The following EZR variants were observed in gnomAD, a reference collection of about 807,000 sequenced individuals.
The protein encoded by EZR is ezrin.
Under a neutral mutation model 74.8 loss-of-function variants are expected in EZR, and 40 were observed. That is an observed-to-expected ratio of 0.53 (90% CI 0.42 to 0.70). EZR has a LOEUF of 0.70. Among genes scored for constraint, EZR ranks in the 30% least tolerant of loss-of-function variants. The probability of loss-of-function intolerance (pLI) is 0.00; values close to 1 mark genes in which losing one functional copy is unlikely to be tolerated. For synonymous variants in EZR, 341 were observed against 283.3 expected (o/e 1.20, Z -2.05); for missense variants, 678 against 755.8 (o/e 0.90, Z 1.21).
At chr6:158,813,020 G>A in intron 2 of EZR, among the ~76,000 whole-genome samples, 1 of 152,136 alleles carries the variant, frequency 6.6e-6, no homozygotes, top group Non-Finnish European at 1.5e-5. Flanking sequence ...TCCTATTACA[G>A]ATCACAGTCA....
intron 12 of EZR, among the ~76,000 whole-genome samples, chr6:158,768,717 G>A (rs1790998292): frequency 6.6e-6 from 1 of 152,180 alleles, no homozygotes; most frequent in South Asian, 2.1e-4. Flanking sequence ...CTAAACCTCT[G>A]TGCTAGGTCC....
intron 3 of EZR, 61 bp downstream of exon 3, chr6:158,789,227 G>T: frequency 7.8e-7 from 1 of 1,288,612 alleles, no homozygotes; most frequent in Non-Finnish European, 1.1e-6. Flanking sequence ...CAAAATAACT[G>T]AAATGTTGCA....
At chr6:158,796,546 TCATCTTGCCTGG>T (rs1170175450) in intron 2 of EZR, among the ~76,000 whole-genome samples, 16 of 152,312 alleles carry the variant, frequency 1.1e-4, no homozygotes, top group African/African-American at 3.8e-4. Flanking sequence ...TGACTTAAAA[TCATCTTGCCTGG>T]CTTTTGACAC....
At chr6:158,810,629 G>GA (rs1222957766) in intron 2 of EZR, among the ~76,000 whole-genome samples, 3 of 152,168 alleles carry the variant, frequency 2.0e-5, no homozygotes, top group Non-Finnish European at 4.4e-5. Flanking sequence ...ATGGACATGA[G>GA]ACAAAATCAG....
chr6:158,771,596 T>C (rs1446447718), intron 8 of EZR, among the ~76,000 whole-genome samples, 189 bp from the exon 9 acceptor site: 1 of 152,074 alleles, frequency 6.6e-6, no homozygotes, highest in South Asian at 2.1e-4. Context: ...CGCGTGTGTG[T>C]GCGGTTATGT....
At chr6:158,787,082 C>CCTA in intron 4 of EZR, 26 bp downstream of exon 4, 1 of 1,582,224 alleles carries the variant, frequency 6.3e-7, no homozygotes, top group Non-Finnish European at 8.7e-7. Flanking sequence ...CAATCCACAG[C>CCTA]CTGTAAATAG....
intron 7 of EZR, among the ~76,000 whole-genome samples, chr6:158,783,183 C>T (rs911932274): frequency 4.0e-5 from 6 of 151,810 alleles, no homozygotes; most frequent in South Asian, 2.1e-4. Flanking sequence ...GGGCTGCCTG[C>T]GAAGTAGCTA....
At chr6:158,808,251 G>A (rs1777383883) in intron 2 of EZR, among the ~76,000 whole-genome samples, 3 of 152,214 alleles carry the variant, frequency 2.0e-5, no homozygotes, top group Admixed American at 1.3e-4. Flanking sequence ...GCCAGGTGGA[G>A]GCTGTTAGGG....
intron 2 of EZR, among the ~76,000 whole-genome samples, chr6:158,791,274 G>A (rs1297032287): frequency 1.3e-5 from 2 of 152,164 alleles, no homozygotes; most frequent in African/African-American, 2.4e-5. Flanking sequence ...TTTACTAGGA[G>A]GCAACGAGAC....
chr6:158,794,205 T>C (rs1437565402), intron 2 of EZR, among the ~76,000 whole-genome samples: 2 of 152,076 alleles, frequency 1.3e-5, no homozygotes, highest in Non-Finnish European at 2.9e-5. Flanking sequence ...TGCTTGAACC[T>C]GGGAGGCGGA....
intron 2 of EZR, among the ~76,000 whole-genome samples, chr6:158,811,884 A>G (rs937556135): frequency 6.6e-6 from 1 of 151,518 alleles, no homozygotes; most frequent in Non-Finnish European, 1.5e-5. Flanking sequence ...CCAAAAAAAA[A>G]AAATTCACAT....
chr6:158,771,165 AGTCAC>A (rs1330492777), intron 9 of EZR, 74 bp downstream of exon 9: 1 of 1,490,498 alleles, frequency 6.7e-7, no homozygotes, highest in Non-Finnish European at 8.9e-7. Flanking sequence ...TCAGCTCCAC[AGTCAC>A]CTGACAGGCA....
At chr6:158,805,845 G>A (rs1777326162) in intron 2 of EZR, among the ~76,000 whole-genome samples, 1 of 152,106 alleles carries the variant, frequency 6.6e-6, no homozygotes, top group Non-Finnish European at 1.5e-5. Flanking sequence ...CCCAACCCAT[G>A]GTTTGCTGTA....
intron 5 of EZR, 137 bp from the exon 6 acceptor site, chr6:158,784,864 C>G: frequency 1.4e-6 from 1 of 691,230 alleles, no homozygotes; most frequent in Non-Finnish European, 2.5e-6. Flanking sequence ...GTTTCTATTT[C>G]CTGATGTGCA....
chr6:158,772,887 CTAT>C (rs143284452), intron 8 of EZR, among the ~76,000 whole-genome samples: 4,987 of 152,244 alleles, frequency 0.033, 97 homozygotes, highest in Middle Eastern at 0.058. Context: ...CGAGAAGAAT[CTAT>C]TTAGCTTCAG....
At position 158,787,525 on chromosome 6, in the gene EZR, T is replaced by C. The variant is rs2306748; in HGVS notation, c.97-322A>G. Among the ~76,000 whole-genome samples, 317 of 152,308 alleles carry C rather than the reference T, an allele frequency of 2.1e-3. 9 individuals carry two copies. In the East Asian group the frequency reaches 0.058, roughly 28 times the overall value. On this transcript the variant is annotated intron_variant, in intron 3 of 13. Transcript: ENST00000367075. The stretch of plus-strand genomic sequence containing the variant: ...GCATGAAACTCAGCAGGGCGGGTTA[T>C]GGCCAGCACACACAGAACCATGGGA...
At chr6:158,793,079 G>A (rs1791785908) in intron 2 of EZR, among the ~76,000 whole-genome samples, 1 of 151,688 alleles carries the variant, frequency 6.6e-6, no homozygotes, top group African/African-American at 2.4e-5. Context: ...CCAGCACTGT[G>A]GGAAACCAAG....
At chr6:158,779,954 G>C (rs1376176162) in intron 7 of EZR, among the ~76,000 whole-genome samples, 1 of 152,006 alleles carries the variant, frequency 6.6e-6, no homozygotes, top group Non-Finnish European at 1.5e-5. Flanking sequence ...AAGCCAAGGT[G>C]GGCAGATCAT....
intron 2 of EZR, among the ~76,000 whole-genome samples, chr6:158,801,730 CAG>C (rs1777191815): frequency 6.6e-6 from 1 of 152,198 alleles, no homozygotes; most frequent in Non-Finnish European, 1.5e-5. Context: ...CCACTATAAC[CAG>C]CACTCCCCAC....
Sources: allele counts gnomAD v4.1 joint callset (sites outside exome capture counted in the v4.1 genomes callset), GRCh38; gene constraint gnomAD v4.1.1; transcripts MANE v1.5; gene names NCBI Gene and HGNC (gene_info 2026-07-23, HGNC 2026-07-21).